Variants in ADCY5 observed in about 807,000 individuals in gnomAD.
The protein encoded by ADCY5 is adenylate cyclase 5.
Under a neutral mutation model 119.7 loss-of-function variants are expected in ADCY5, and 30 were observed. The observed-to-expected ratio is 0.25, with a 90% CI of 0.19 to 0.34. The LOEUF (loss-of-function observed/expected upper bound fraction) is 0.34. Among genes scored for constraint, ADCY5 ranks in the 10% least tolerant of loss-of-function variants. The pLI is 1.00. For missense variants in ADCY5, 1,324 were observed against 1,775.2 expected (o/e 0.75, Z 4.57); for synonymous variants, 753 against 762.2 (o/e 0.99, Z 0.20).
intron 2 of ADCY5, among the ~76,000 whole-genome samples, chr3:123,349,821 T>C (rs1486808279): frequency 6.6e-6 from 1 of 152,188 alleles, no homozygotes; most frequent in Non-Finnish European, 1.5e-5. Context: ...TCCAGATCAC[T>C]TTGCTTGTCT....
At chr3:123,297,253 C>G in intron 16 of ADCY5, 100 bp downstream of exon 16, 1 of 1,513,656 alleles carries the variant, frequency 6.6e-7, no homozygotes, top group East Asian at 2.3e-5. Flanking sequence ...TCACTACCCA[C>G]CTTGCCACCA....
intron 1 of ADCY5, among the ~76,000 whole-genome samples, chr3:123,381,204 C>T (rs548908361): frequency 5.3e-5 from 8 of 152,294 alleles, no homozygotes; most frequent in African/African-American, 9.6e-5. Context: ...TAGTAAATGC[C>T]GAGGATTTTC....
chr3:123,325,483 T>C, intron 7 of ADCY5, 21 bp from the exon 8 acceptor site: 1 of 1,610,706 alleles, frequency 6.2e-7, no homozygotes, highest in Non-Finnish European at 8.5e-7. Flanking sequence ...AACACAGAGA[T>C]GGGGGGAGAT....
rs1335907868 is a variant in ADCY5 at position 123,447,719 on chromosome 3, G to T, written c.827C>A (p.Ala276Asp). The T allele has an allele frequency of 6.3e-7, 1 of 1,599,244 alleles. No individual in the cohort carries two copies. Among genetic ancestry groups the T allele is most frequent in the African/African-American group, 1.3e-5 (1 of 74,540 alleles). Residue 276 changes from alanine to aspartate, a missense_variant, in exon 1 of 21, where the codon GCC (alanine) becomes GAC (aspartate). By Grantham distance (126) the Ala-to-Asp change is moderately radical. Coordinates refer to ENST00000462833, the MANE Select transcript of ADCY5 (RefSeq NM_183357.3). ...LQLPYLAVLA[A>D]AVGVILIMAV... ...CATGATGAGGATCACGCCGACGGCGGCCGCCAGCACGGCCAGGTAGGGCAG... is the reference window on the plus strand; with the variant it reads ...CATGATGAGGATCACGCCGACGGCGTCCGCCAGCACGGCCAGGTAGGGCAG...
At chr3:123,361,396 C>T (rs1256974262) in intron 1 of ADCY5, among the ~76,000 whole-genome samples, 1 of 152,172 alleles carries the variant, frequency 6.6e-6, no homozygotes, top group Admixed American at 6.6e-5. Context: ...AGTGTATTCA[C>T]AAGGCTGTGC....
chr3:123,377,217 A>G (rs1409675953), intron 1 of ADCY5, among the ~76,000 whole-genome samples: 13 of 152,208 alleles, frequency 8.5e-5, no homozygotes. Flanking sequence ...GTCTCTTGGA[A>G]TAAAAGCTCC....
At chr3:123,301,283 G>A (rs1939833331) in intron 14 of ADCY5, among the ~76,000 whole-genome samples, 1 of 152,168 alleles carries the variant, frequency 6.6e-6, no homozygotes, top group South Asian at 2.1e-4. Context: ...AGCCCCTAGG[G>A]CAGACCCTCA....
intron 17 of ADCY5, among the ~76,000 whole-genome samples, chr3:123,291,989 T>C (rs1939183982): frequency 6.6e-6 from 1 of 152,138 alleles, no homozygotes; most frequent in Non-Finnish European, 1.5e-5. Flanking sequence ...CCAGTGACTT[T>C]GGTTTTCCCC....
At chr3:123,426,449 G>A (rs570101746) in intron 1 of ADCY5, among the ~76,000 whole-genome samples, 184 of 151,862 alleles carry the variant, frequency 1.2e-3, no homozygotes, top group African/African-American at 4.2e-3. Context: ...TCAACCTCCC[G>A]AGTAGCTGGG....
chr3:123,283,016 G>GGTAT lies in ADCY5; in HGVS notation c.*1588_*1591dup, dbSNP rs1938474991. On this transcript the variant is annotated 3_prime_UTR_variant, in exon 21 of 21. Coordinates refer to ENST00000462833, the MANE Select transcript of ADCY5 (RefSeq NM_183357.3). ...GTTATAAAAATAGTATTTTTTTCTT[G>GGTAT]GTATGTTTAACTGCCCCCTCCCACT... 1.3e-5 allele frequency: 2 copies of GGTAT among 152,078 alleles called. No individual in the cohort carries two copies. Among genetic ancestry groups the GGTAT allele is most frequent in the East Asian group, 3.9e-4 (2 of 5,172 alleles). The allele number at this position is 152,078 out of a possible 1,614,324, so 9.4% of individuals were successfully genotyped here. A position where few individuals can be genotyped will look rare whatever the true frequency, so the allele number is the denominator to read the frequency against.
chr3:123,377,482 C>A (rs536538260), intron 1 of ADCY5, among the ~76,000 whole-genome samples: 46 of 152,316 alleles, frequency 3.0e-4, no homozygotes, highest in Admixed American at 6.5e-4. Context: ...TGGGTCCCCC[C>A]ACAACAGCCA....
chr3:123,316,193 C>A (rs898836682), intron 11 of ADCY5, among the ~76,000 whole-genome samples: 1 of 152,044 alleles, frequency 6.6e-6, no homozygotes, highest in Non-Finnish European at 1.5e-5. Context: ...AATGTAGACC[C>A]CCCCCAACCT....
chr3:123,389,822 A>G (rs1944349324), intron 1 of ADCY5, among the ~76,000 whole-genome samples: 1 of 152,224 alleles, frequency 6.6e-6, no homozygotes, highest in East Asian at 1.9e-4. Context: ...AAACTAATTT[A>G]ACGGACAGTG....
intron 1 of ADCY5, among the ~76,000 whole-genome samples, chr3:123,428,584 T>C (rs968107917): frequency 6.6e-6 from 1 of 152,220 alleles, no homozygotes; most frequent in East Asian, 1.9e-4. Flanking sequence ...GTGCCTTTCC[T>C]GAGCCCACCT....
At chr3:123,306,899 A>G (rs1181502746) in intron 12 of ADCY5, among the ~76,000 whole-genome samples, 1 of 152,254 alleles carries the variant, frequency 6.6e-6, no homozygotes, top group Non-Finnish European at 1.5e-5. Context: ...ATACACTGGA[A>G]TATTTTTCAG....
At chr3:123,322,477 G>A (rs930285039) in intron 8 of ADCY5, among the ~76,000 whole-genome samples, 4 of 152,066 alleles carry the variant, frequency 2.6e-5, no homozygotes, top group South Asian at 2.1e-4. Context: ...GCGCCAGGTC[G>A]GCATGGCGAG....
chr3:123,299,317 T>C (rs372511130), intron 15 of ADCY5, among the ~76,000 whole-genome samples: 2 of 152,332 alleles, frequency 1.3e-5, no homozygotes, highest in East Asian at 3.9e-4. Context: ...TGGCCGATCC[T>C]CACATCCAGC....
rs534349109 is a variant in ADCY5 at position 123,316,185 on chromosome 3, T to G, written c.2354+1835A>C. Among the ~76,000 whole-genome samples, 39 of 151,970 alleles carry G rather than the reference T, an allele frequency of 2.6e-4. No individual in the cohort carries two copies. The South Asian group carries it at 5.2e-3, about 20-fold the overall frequency. On this transcript the variant is annotated intron_variant, in intron 11 of 20. Coordinates refer to ENST00000462833, the MANE Select transcript of ADCY5 (RefSeq NM_183357.3). ...CACTTCAGTGGGAGCCTTATCAAAA[T>G]GTAGACCCCCCCCAACCTAATCATG...
rs1454641745 is a variant in ADCY5 at position 123,308,073 on chromosome 3, G to A, written c.2443-3890C>T. ...TTTTGAGACAGAGTCTCGCTCTGTC[G>A]CCCAGGCTGGAGTGCAGTGGCATGG... On this transcript the variant is annotated intron_variant, in intron 12 of 20. Coordinates refer to ENST00000462833, the MANE Select transcript of ADCY5 (RefSeq NM_183357.3). Among the ~76,000 whole-genome samples the A allele has an allele frequency of 1.1e-4, 13 of 117,504 alleles. No individual in the cohort carries two copies. In the Admixed American group the frequency reaches 1.4e-3, roughly 13 times the overall value. 77.1% of individuals were successfully genotyped at this position (117,504 alleles called of 152,430 possible). A position where few individuals can be genotyped will look rare whatever the true frequency, so the allele number is the denominator to read the frequency against.
Sources: gnomAD v4.1 joint callset for allele counts (sites outside exome capture counted in the v4.1 genomes callset) on GRCh38, gnomAD v4.1.1 for gene constraint, MANE v1.5 for transcripts, NCBI Gene and HGNC (gene_info 2026-07-23, HGNC 2026-07-21) for gene names.